Variants in PTPRD observed in about 807,000 individuals in gnomAD.
PTPRD encodes protein tyrosine phosphatase receptor type D.
In PTPRD, 34 loss-of-function variants were observed where a neutral mutation model predicts 214.5. The ratio of observed to expected loss-of-function variants is 0.16; its 90% CI spans 0.12 to 0.21. PTPRD has a LOEUF of 0.21. PTPRD is among the 10% of genes least tolerant of loss of function. The probability of loss-of-function intolerance (pLI) is 1.00; values close to 1 mark genes in which losing one functional copy is unlikely to be tolerated. For synonymous variants in PTPRD, 1,128 were observed against 845.7 expected (o/e 1.33, Z -5.79); for missense variants, 2,545 against 2,398.7 (o/e 1.06, Z -1.27).
At chr9:10,511,576 T>TTTTTTTTTC (rs2048043236) in intron 2 of PTPRD, among the ~76,000 whole-genome samples, 2 of 149,508 alleles carry the variant, frequency 1.3e-5, no homozygotes, top group Non-Finnish European at 3.0e-5. Context: ...GGTATTTTTT[T>TTTTTTTTTC]TTTTTTTTTT....
At chr9:10,281,989 TAAA>T (rs201333767) in intron 3 of PTPRD, among the ~76,000 whole-genome samples, 1 of 138,710 alleles carries the variant, frequency 7.2e-6, no homozygotes, top group Non-Finnish European at 1.6e-5. Context: ...GTTAAAATAA[TAAA>T]AAAAAAAAAG....
At chr9:10,255,401 T>C (rs1365101789) in intron 3 of PTPRD, among the ~76,000 whole-genome samples, 6 of 152,192 alleles carry the variant, frequency 3.9e-5, no homozygotes, top group Non-Finnish European at 8.8e-5. Context: ...ATAGTAAGTG[T>C]TTGTGCATCT....
chr9:8,487,486 T>C (rs556410141), intron 27 of PTPRD, among the ~76,000 whole-genome samples: 1 of 152,066 alleles, frequency 6.6e-6, no homozygotes, highest in Admixed American at 6.5e-5. Context: ...TCCCAGCACT[T>C]TGGGAGCTGA....
intron 10 of PTPRD, among the ~76,000 whole-genome samples, chr9:9,164,225 C>A (rs1186764759): frequency 6.6e-6 from 1 of 152,108 alleles, no homozygotes; most frequent in Non-Finnish European, 1.5e-5. Flanking sequence ...ATTTCTTTAT[C>A]TTTTACAGCT....
chr9:8,319,790 G>A (rs367843663), intron 45 of PTPRD, 41 bp downstream of exon 45: 14 of 1,609,418 alleles, frequency 8.7e-6, no homozygotes, highest in South Asian at 1.1e-5. Context: ...CTAGCAAAAC[G>A]TAGGCTCTTG....
At chr9:9,762,981 G>T (rs1190172922) in intron 6 of PTPRD, among the ~76,000 whole-genome samples, 6 of 152,154 alleles carry the variant, frequency 3.9e-5, no homozygotes, top group Admixed American at 1.3e-4. Context: ...GCTTGTTGGT[G>T]GTTGCCATCT....
At chr9:8,856,083 T>C (rs533358200) in intron 11 of PTPRD, among the ~76,000 whole-genome samples, 2 of 152,216 alleles carry the variant, frequency 1.3e-5, no homozygotes, top group East Asian at 1.9e-4. Flanking sequence ...ACACGGAACA[T>C]TGAAAATGTG....
intron 11 of PTPRD, among the ~76,000 whole-genome samples, chr9:8,903,998 T>C (rs180996895): frequency 6.6e-6 from 1 of 152,344 alleles, no homozygotes; most frequent in East Asian, 1.9e-4. Flanking sequence ...TATGATATTA[T>C]GATTCGATTA....
At chr9:8,733,659 C>A in intron 12 of PTPRD, 121 bp downstream of exon 12, 2 of 1,000,370 alleles carry the variant, frequency 2.0e-6, no homozygotes, top group South Asian at 1.5e-5. Context: ...AGGAGGATCC[C>A]GCAGTGTCTC....
chr9:10,341,940 A>G (rs1379886054), intron 2 of PTPRD, among the ~76,000 whole-genome samples: 9 of 152,032 alleles, frequency 5.9e-5, no homozygotes, highest in Non-Finnish European at 1.3e-4. Context: ...TATCTTTCAC[A>G]GTGGTTTCTA....
chr9:8,600,367 T>G (rs114995904), intron 14 of PTPRD, among the ~76,000 whole-genome samples: 181 of 152,232 alleles, frequency 1.2e-3, no homozygotes, highest in African/African-American at 4.2e-3. Flanking sequence ...CAAGTCCTAG[T>G]GCTGCACTGG....
At chr9:10,261,643 G>A (rs1303941152) in intron 3 of PTPRD, among the ~76,000 whole-genome samples, 1 of 152,006 alleles carries the variant, frequency 6.6e-6, no homozygotes, top group African/African-American at 2.4e-5. Context: ...AGAAAACAAT[G>A]ATGCAGTATA....
chr9:9,525,356 T>G (rs903205650), intron 8 of PTPRD, among the ~76,000 whole-genome samples: 3 of 152,174 alleles, frequency 2.0e-5, no homozygotes, highest in African/African-American at 7.2e-5. Flanking sequence ...CCAAGGATGA[T>G]TAACGCTTAT....
At chr9:10,444,572 T>C (rs2098785317) in intron 2 of PTPRD, among the ~76,000 whole-genome samples, 1 of 151,800 alleles carries the variant, frequency 6.6e-6, no homozygotes, top group Non-Finnish European at 1.5e-5. Context: ...AATATTCCAC[T>C]AAAGACAAGA....
At chr9:8,595,028 A>G (rs2094399445) in intron 14 of PTPRD, among the ~76,000 whole-genome samples, 1 of 151,432 alleles carries the variant, frequency 6.6e-6, no homozygotes, top group African/African-American at 2.4e-5. Context: ...ATGCCCAGCT[A>G]ATTTTTTTGT....
intron 11 of PTPRD, among the ~76,000 whole-genome samples, chr9:8,875,924 A>G (rs2098384487): frequency 6.6e-6 from 1 of 152,162 alleles, no homozygotes; most frequent in Non-Finnish European, 1.5e-5. Context: ...ATGGAAAAAC[A>G]CACACACAAA....
chr9:8,718,762 G>A lies in PTPRD; in HGVS notation c.64+15018C>T, dbSNP rs535896127. On this transcript the variant is annotated intron_variant, in intron 12 of 45. Coordinates refer to ENST00000381196, the MANE Select transcript of PTPRD (RefSeq NM_002839.4). ...TGCCAGGACAAGCTGACCATAGTTC[G>A]TTCTTAAATTTTCCCACGTGAGCCA... Among the ~76,000 whole-genome samples the A allele has an allele frequency of 2.6e-5, 4 of 152,086 alleles. No homozygotes were observed. The East Asian group carries it at 5.8e-4, about 22-fold the overall frequency.
intron 7 of PTPRD, among the ~76,000 whole-genome samples, chr9:9,692,664 G>T (rs926641568): frequency 6.6e-6 from 1 of 150,726 alleles, no homozygotes; most frequent in Non-Finnish European, 1.5e-5. Flanking sequence ...TTTCTGTGAA[G>T]ACTGTCATTG....
intron 11 of PTPRD, among the ~76,000 whole-genome samples, chr9:8,898,097 ACT>A (rs770011118): frequency 1.1e-4 from 16 of 151,332 alleles, no homozygotes; most frequent in Non-Finnish European, 2.1e-4. Flanking sequence ...TGCCCTAGAC[ACT>A]CTCTTTCCTG....
Sources: allele counts gnomAD v4.1 joint callset (sites outside exome capture counted in the v4.1 genomes callset), GRCh38; gene constraint gnomAD v4.1.1; transcripts MANE v1.5; gene names NCBI Gene and HGNC (gene_info 2026-07-23, HGNC 2026-07-21).